Variants in TMEM132C observed in about 807,000 individuals in gnomAD.
TMEM132C encodes transmembrane protein 132C.
In TMEM132C, 29 loss-of-function variants were observed where a neutral mutation model predicts 61.4. The observed-to-expected ratio is 0.47, with a 90% CI of 0.35 to 0.64. TMEM132C has a LOEUF of 0.64. TMEM132C is among the 30% of genes least tolerant of loss of function. The pLI, the probability that TMEM132C is intolerant of heterozygous loss-of-function variation, is 0.00. For missense variants in TMEM132C, 1,408 were observed against 1,476.9 expected, an observed-to-expected ratio of 0.95 and a Z score of 0.76; for synonymous variants, 656 against 633.1, an observed-to-expected ratio of 1.04 and a Z score of -0.54.
Position 128,414,707 on chromosome 12 carries a change from C to T in TMEM132C, c.86-25C>T, listed in dbSNP as rs1375343875. The T allele has an allele frequency of 6.0e-6, 9 of 1,489,388 alleles. No homozygotes were observed. In the Admixed American group the frequency reaches 9.1e-5, roughly 15 times the overall value. 92.3% of individuals were successfully genotyped at this position (1,489,388 alleles called of 1,614,324 possible). On this transcript the variant is annotated intron_variant, in intron 1 of 8. Transcript: ENST00000435159. ...TTAATAATCCTGTCTTTGTCTTTTT[C>T]TTTTCTTTCTTTTTCCCTTTTTAGT...
At chr12:128,523,622 C>T (rs990395422) in intron 2 of TMEM132C, among the ~76,000 whole-genome samples, 23 of 152,152 alleles carry the variant, frequency 1.5e-4, no homozygotes, top group Admixed American at 1.3e-4. Context: ...AGACTCACAA[C>T]CTCCTTGTTT....
At chr12:128,319,100 A>G (rs993690931) in intron 1 of TMEM132C, among the ~76,000 whole-genome samples, 5 of 152,206 alleles carry the variant, frequency 3.3e-5, no homozygotes, top group Non-Finnish European at 5.9e-5. Flanking sequence ...AATGTTGGCC[A>G]TAAGGCAAAC....
intron 1 of TMEM132C, among the ~76,000 whole-genome samples, chr12:128,325,980 C>T (rs1036369023): frequency 6.6e-6 from 1 of 152,062 alleles, no homozygotes; most frequent in Non-Finnish European, 1.5e-5. Context: ...CCTCGTTGCA[C>T]ACGTGCGGAG....
At chr12:128,359,445 A>T (rs772633638) in intron 1 of TMEM132C, among the ~76,000 whole-genome samples, 102 of 152,104 alleles carry the variant, frequency 6.7e-4, no homozygotes, top group Non-Finnish European at 1.0e-3. Context: ...ACCTGGCCCC[A>T]CCCTTGCCAT....
chr12:128,529,683 G>A (rs1873216204), intron 2 of TMEM132C, among the ~76,000 whole-genome samples: 1 of 152,164 alleles, frequency 6.6e-6, no homozygotes, highest in South Asian at 2.1e-4. Context: ...CTTCTCAGGA[G>A]GCTGAGGCAG....
At chr12:128,548,494 T>C (rs1425360997) in intron 3 of TMEM132C, among the ~76,000 whole-genome samples, 2 of 152,196 alleles carry the variant, frequency 1.3e-5, no homozygotes, top group African/African-American at 4.8e-5. Context: ...AAATCCAGTG[T>C]ATCAGTCAGC....
At chr12:128,295,156 G>C (rs1293971415) in intron 1 of TMEM132C, among the ~76,000 whole-genome samples, 1 of 152,070 alleles carries the variant, frequency 6.6e-6, no homozygotes, top group Non-Finnish European at 1.5e-5. Context: ...ATTCTGTATG[G>C]AGCTAGCTCT....
At chr12:128,433,937 GAA>G (rs1270879024) in intron 2 of TMEM132C, among the ~76,000 whole-genome samples, 1 of 152,214 alleles carries the variant, frequency 6.6e-6, no homozygotes, top group African/African-American at 2.4e-5. Flanking sequence ...TTTGTTATCA[GAA>G]AAAGAAGGCG....
intron 2 of TMEM132C, among the ~76,000 whole-genome samples, chr12:128,482,698 C>T (rs1218693322): frequency 2.6e-5 from 4 of 152,140 alleles, no homozygotes; most frequent in South Asian, 2.1e-4. Context: ...GGTTTAGTCT[C>T]GGGAGGGTGT....
chr12:128,681,654 CTTTT>C (rs5801810), intron 5 of TMEM132C, among the ~76,000 whole-genome samples: 3 of 131,602 alleles, frequency 2.3e-5, no homozygotes, highest in Non-Finnish European at 3.2e-5. Context: ...CAGACTGTAT[CTTTT>C]TTTTTTTTTT....
chr12:128,500,872 A>G (rs1872151024), intron 2 of TMEM132C, among the ~76,000 whole-genome samples: 1 of 152,232 alleles, frequency 6.6e-6, no homozygotes, highest in Non-Finnish European at 1.5e-5. Context: ...ATCTGTACCA[A>G]AACTTGTACA....
At chr12:128,353,295 T>C (rs1161453954) in intron 1 of TMEM132C, among the ~76,000 whole-genome samples, 3 of 152,156 alleles carry the variant, frequency 2.0e-5, no homozygotes, top group Admixed American at 2.0e-4. Flanking sequence ...TCTCCCTGTC[T>C]GGAGGAGAAA....
chr12:128,517,066 C>CA (rs1253841017), intron 2 of TMEM132C, among the ~76,000 whole-genome samples: 3,403 of 107,780 alleles, frequency 0.032, 102 homozygotes, highest in African/African-American at 0.091. Flanking sequence ...GCTAAAAATA[C>CA]AAAAAAAAAA....
chr12:128,590,473 C>T (rs986696634), intron 3 of TMEM132C, among the ~76,000 whole-genome samples: 10 of 152,176 alleles, frequency 6.6e-5, no homozygotes, highest in South Asian at 2.1e-4. Flanking sequence ...CAAACTGTGG[C>T]GTAACGTAGC....
intron 1 of TMEM132C, among the ~76,000 whole-genome samples, chr12:128,351,731 C>T (rs146325138): frequency 3.5e-3 from 530 of 152,254 alleles, no homozygotes; most frequent in Non-Finnish European, 5.6e-3. Context: ...GACTCACTCC[C>T]GTGAGAATCT....
intron 4 of TMEM132C, among the ~76,000 whole-genome samples, chr12:128,658,214 C>T (rs1252906599): frequency 1.4e-5 from 2 of 143,874 alleles, no homozygotes; most frequent in Admixed American, 6.9e-5. Context: ...CCATGGAGGC[C>T]ACAAGGCAGG....
At chr12:128,493,432 A>C (rs1235490920) in intron 2 of TMEM132C, among the ~76,000 whole-genome samples, 1 of 152,174 alleles carries the variant, frequency 6.6e-6, no homozygotes, top group Non-Finnish European at 1.5e-5. Context: ...TCTATAAATT[A>C]CCTTGGGCAG....
At chr12:128,332,981 A>G (rs960842897) in intron 1 of TMEM132C, among the ~76,000 whole-genome samples, 2 of 152,236 alleles carry the variant, frequency 1.3e-5, no homozygotes, top group Admixed American at 1.3e-4. Context: ...ACATGGGCAC[A>G]TAGTGTCATG....
At chr12:128,425,243 C>G (rs1240067663) in intron 2 of TMEM132C, among the ~76,000 whole-genome samples, 1 of 152,258 alleles carries the variant, frequency 6.6e-6, no homozygotes, top group East Asian at 1.9e-4. Context: ...AACTCCCCAC[C>G]TGCACACCGC....
Sources: gnomAD v4.1 joint callset for allele counts (sites outside exome capture counted in the v4.1 genomes callset) on GRCh38, gnomAD v4.1.1 for gene constraint, MANE v1.5 for transcripts, NCBI Gene and HGNC (gene_info 2026-07-23, HGNC 2026-07-21) for gene names.